The following RAI14 variants were observed in gnomAD, a reference collection of about 807,000 sequenced individuals.
RAI14 encodes the protein ankycorbin.
Under a neutral mutation model 115.4 loss-of-function variants are expected in RAI14, and 45 were observed. The ratio of observed to expected loss-of-function variants is 0.39; its 90% confidence interval spans 0.31 to 0.50. The LOEUF (loss-of-function observed/expected upper bound fraction) is 0.50, where lower values mean the gene tolerates loss of function less well. Among genes scored for constraint, RAI14 ranks in the 20% least tolerant of loss-of-function variants. The pLI is 0.85. For missense variants in RAI14, 939 were observed against 1,131.2 expected, an observed-to-expected ratio of 0.83 and a Z score of 2.44; for synonymous variants, 371 against 415.4, an observed-to-expected ratio of 0.89 and a Z score of 1.30.
chr5:34,676,934 T>C (rs1433305079), intron 1 of RAI14, among the ~76,000 whole-genome samples: 3 of 152,146 alleles, frequency 2.0e-5, no homozygotes, highest in Admixed American at 2.0e-4. Context: ...GTTATGTCTT[T>C]CCCCCCCTAA....
At chr5:34,751,855 G>A (rs534818879) in intron 2 of RAI14, among the ~76,000 whole-genome samples, 55 of 152,318 alleles carry the variant, frequency 3.6e-4, no homozygotes, top group Admixed American at 3.1e-3. Flanking sequence ...TCACAGGCCT[G>A]CTTCCTTAAT....
At chr5:34,779,905 A>T (rs1343970537) in intron 3 of RAI14, among the ~76,000 whole-genome samples, 4 of 152,204 alleles carry the variant, frequency 2.6e-5, no homozygotes, top group Non-Finnish European at 5.9e-5. Context: ...AAGAGCCTGC[A>T]TTGCCAAGTC....
At chr5:34,792,389 A>G (rs1471002523) in intron 3 of RAI14, among the ~76,000 whole-genome samples, 5 of 151,906 alleles carry the variant, frequency 3.3e-5, no homozygotes, top group African/African-American at 1.2e-4. Flanking sequence ...GCCCGACACC[A>G]CACCTGGCTA....
chr5:34,688,333 C>T (rs914898952), intron 2 of RAI14: 2 of 1,322,220 alleles, frequency 1.5e-6, no homozygotes, highest in African/African-American at 3.0e-5. Context: ...TTTTTCTATT[C>T]CAAGGGAATC....
Position 34,796,017 on chromosome 5 carries a change from A to G in RAI14, c.246A>G (p.Gln82=), listed in dbSNP as rs775293282. Residue 82 remains glutamine, a synonymous_variant, in exon 4 of 18, where the codon CAA becomes CAG. Coordinates refer to ENST00000265109, the MANE Select transcript of RAI14 (RefSeq NM_015577.3). The stretch of plus-strand genomic sequence containing the variant: ...CACATGGTGTGGATGTGACAGCCCA[A>G]GATACTACCGGTATGTGGTTTTTAG... ...MITHGVDVTA[Q]DTTGHSALHL... The G allele has an allele frequency of 1.9e-6, 3 of 1,610,636 alleles. No individual in the cohort carries two copies. The South Asian group carries it at 3.3e-5, about 18-fold the overall frequency.
intron 2 of RAI14, among the ~76,000 whole-genome samples, chr5:34,697,349 T>C (rs1739386169): frequency 6.6e-6 from 1 of 151,582 alleles, no homozygotes; most frequent in African/African-American, 2.4e-5. Flanking sequence ...GGCAGGAGAA[T>C]TGCTTGAACC....
intron 1 of RAI14, among the ~76,000 whole-genome samples, chr5:34,662,954 T>C (rs1742817675): frequency 6.6e-6 from 1 of 152,004 alleles, no homozygotes; most frequent in South Asian, 2.1e-4. Flanking sequence ...CAGGCTGGTC[T>C]CGAACTCCTG....
chr5:34,658,968 A>G (rs531815457), intron 1 of RAI14: 1 of 152,074 alleles, frequency 6.6e-6, no homozygotes, highest in East Asian at 1.9e-4. Context: ...TATTTGATCT[A>G]TTCCTACTCC....
At chr5:34,804,099 G>A (rs914205283) in intron 5 of RAI14, among the ~76,000 whole-genome samples, 4 of 152,190 alleles carry the variant, frequency 2.6e-5, no homozygotes, top group South Asian at 2.1e-4. Context: ...TTAAAACATC[G>A]GTTTCTAAGC....
In RAI14 at chr5:34,685,532, G is replaced by A. The variant is rs1221764397; in HGVS notation, c.-48-1340G>A. Among the ~76,000 whole-genome samples the A allele has an allele frequency of 2.0e-5, 3 of 151,228 alleles. No homozygotes were observed. The East Asian group carries it at 5.8e-4, about 29-fold the overall frequency. ...CAGAATTCATTGCTAAGAAATTCAT[G>A]TATCAAAAAACTACCTATACCCCCC... On this transcript the variant is annotated intron_variant, in intron 1 of 17. Transcript: ENST00000265109.
At chr5:34,824,721 A>T (rs1226707442) in intron 15 of RAI14, among the ~76,000 whole-genome samples, 1 of 152,108 alleles carries the variant, frequency 6.6e-6, no homozygotes, top group Non-Finnish European at 1.5e-5. Context: ...AGGTGGGTGG[A>T]TCACTTGAGG....
At chr5:34,815,953 A>G (rs903276374) in intron 12 of RAI14, among the ~76,000 whole-genome samples, 1 of 152,220 alleles carries the variant, frequency 6.6e-6, no homozygotes, top group Non-Finnish European at 1.5e-5. Flanking sequence ...TTCAAAAATA[A>G]GGTGTGGAAG....
At chr5:34,687,597 T>G (rs1738007322) in intron 2 of RAI14, 2 of 1,515,102 alleles carry the variant, frequency 1.3e-6, no homozygotes, top group African/African-American at 1.4e-5. Flanking sequence ...CACGATAATA[T>G]TTTTTTAAAA....
chr5:34,694,607 G>A (rs1224007880), intron 2 of RAI14, among the ~76,000 whole-genome samples: 1 of 152,192 alleles, frequency 6.6e-6, no homozygotes, highest in Non-Finnish European at 1.5e-5. Context: ...CTGCCTGAAA[G>A]GATTTCATTT....
At chr5:34,818,718 A>G (rs1756521904) in intron 12 of RAI14, 79 bp from the exon 13 acceptor site, 3 of 1,235,186 alleles carry the variant, frequency 2.4e-6, no homozygotes, top group Non-Finnish European at 3.5e-6. Flanking sequence ...GCGTAAGCTC[A>G]AGGAGGAAAG....
intron 2 of RAI14, among the ~76,000 whole-genome samples, chr5:34,714,804 A>G (rs1741803723): frequency 6.6e-6 from 1 of 152,144 alleles, no homozygotes; most frequent in African/African-American, 2.4e-5. Context: ...TGATTCTATT[A>G]AGATTAGCAT....
At position 34,830,683 on chromosome 5, in the gene RAI14, C is replaced by T. The variant is rs17523026; in HGVS notation, c.2866-5C>T. The stretch of plus-strand genomic sequence containing the variant: ...TAATGAGTATCTTGTGTTTGAATAT[C>T]CTAGGGCCAGATGGATGAAGATGTC... On this transcript the variant is annotated splice_polypyrimidine_tract_variant and splice_region_variant and intron_variant, in intron 17 of 17. Coordinates refer to ENST00000265109, the MANE Select transcript of RAI14 (RefSeq NM_015577.3). 182,064 of 1,613,832 alleles carry T rather than the reference C, an allele frequency of 0.11. 11,836 individuals carry two copies. Among genetic ancestry groups the T allele is most frequent in the South Asian group, 0.14 (12,803 of 91,078 alleles).
intron 13 of RAI14, among the ~76,000 whole-genome samples, chr5:34,819,138 A>T (rs1471755075): frequency 6.6e-6 from 1 of 152,250 alleles, no homozygotes; most frequent in Non-Finnish European, 1.5e-5. Context: ...ACAGGCAATA[A>T]GCCTCAGTGG....
chr5:34,819,003 G>A lies in RAI14; in HGVS notation c.994+152G>A, dbSNP rs149584105. The A allele has an allele frequency of 2.1e-3, 1,323 of 642,132 alleles. 8 individuals are homozygous for A. In the African/African-American group the frequency reaches 0.021, roughly 10 times the overall value. 39.8% of individuals were successfully genotyped at this position (642,132 alleles called of 1,614,324 possible). ...CTGCCAGTAATGCACAAGCTGAAGC[G>A]CTCTGTACTTCAGGGTGCCTTCTTC... is the stretch of plus-strand genomic sequence containing the variant. On this transcript the variant is annotated intron_variant, in intron 13 of 17. Transcript: ENST00000265109.
Sources: gnomAD v4.1 joint callset for allele counts (sites outside exome capture counted in the v4.1 genomes callset) on GRCh38, gnomAD v4.1.1 for gene constraint, MANE v1.5 for transcripts, NCBI Gene and HGNC (gene_info 2026-07-23, HGNC 2026-07-21) for gene names.